METTL16: variants seen among roughly 807,000 people sequenced by gnomAD.
The protein encoded by METTL16 is RNA N(6)-adenosine-methyltransferase METTL16.
METTL16 carries 19 observed loss-of-function variants against 57.9 expected under a neutral mutation model. The observed-to-expected ratio is 0.33, with a 90% CI of 0.23 to 0.48. METTL16 has a LOEUF of 0.48. METTL16 is among the 20% of genes least tolerant of loss of function. The pLI, the probability that METTL16 is intolerant of heterozygous loss-of-function variation, is 0.99. For missense variants in METTL16, 434 were observed against 691.5 expected (o/e 0.63, Z 4.18); for synonymous variants, 246 against 255.6 (o/e 0.96, Z 0.36).
At chr17:2,432,249 T>C (rs527551188) in intron 8 of METTL16, among the ~76,000 whole-genome samples, 71 of 152,268 alleles carry the variant, frequency 4.7e-4, no homozygotes, top group African/African-American at 1.7e-3. Flanking sequence ...CACGCCCAGC[T>C]TAAATGTGAC....
intron 8 of METTL16, among the ~76,000 whole-genome samples, chr17:2,429,533 A>G (rs2066854498): frequency 6.6e-6 from 1 of 151,056 alleles, no homozygotes; most frequent in South Asian, 2.1e-4. Context: ...CTGTACTTCA[A>G]AGTTACTAAT....
intron 2 of METTL16, among the ~76,000 whole-genome samples, chr17:2,487,688 A>T (rs904904777): frequency 6.6e-6 from 1 of 152,182 alleles, no homozygotes; most frequent in Non-Finnish European, 1.5e-5. Context: ...GTAGAGTTAG[A>T]AACCACTGTG....
chr17:2,491,597 C>T lies in METTL16; in HGVS notation c.128+10607G>A, dbSNP rs772389833. 1.2e-4 allele frequency among the ~76,000 whole-genome samples: 19 copies of T among 152,148 alleles called. No homozygotes were observed. In the South Asian group the frequency reaches 1.7e-3, roughly 13 times the overall value. On this transcript the variant is annotated intron_variant, in intron 2 of 9. Coordinates refer to ENST00000263092, the MANE Select transcript of METTL16 (RefSeq NM_024086.4). The stretch of plus-strand genomic sequence containing the variant: ...TTGGTTTAAAAACAAATCAGTTGGC[C>T]GGGCACGGTGGCTCACACCTGTAAT...
intron 1 of METTL16, among the ~76,000 whole-genome samples, chr17:2,511,459 C>G (rs754559040): frequency 7.2e-5 from 11 of 152,090 alleles, no homozygotes; most frequent in Non-Finnish European, 1.5e-4. Context: ...CCGTTCTTTC[C>G]ATGCCCTCAT....
intron 8 of METTL16, among the ~76,000 whole-genome samples, chr17:2,425,555 G>C (rs949317120): frequency 6.6e-6 from 1 of 152,200 alleles, no homozygotes; most frequent in Non-Finnish European, 1.5e-5. Flanking sequence ...ATCAATAAGA[G>C]AGGAACTGCA....
chr17:2,462,275 T>C (rs1316289318), intron 6 of METTL16, among the ~76,000 whole-genome samples: 3 of 152,062 alleles, frequency 2.0e-5, no homozygotes, highest in Admixed American at 6.6e-5. Flanking sequence ...CCTAGAGTAG[T>C]CAAGTTCATA....
At chr17:2,479,087 A>G (rs934348779) in intron 2 of METTL16, among the ~76,000 whole-genome samples, 15 of 152,226 alleles carry the variant, frequency 9.9e-5, no homozygotes, top group Admixed American at 2.6e-4. Flanking sequence ...AAATACTGCT[A>G]AACTGAAAAT....
intron 6 of METTL16, among the ~76,000 whole-genome samples, chr17:2,442,671 G>C (rs2066962278): frequency 6.6e-6 from 1 of 152,210 alleles, no homozygotes; most frequent in South Asian, 2.1e-4. Context: ...AGACCCTATA[G>C]GTATTAAGAG....
At chr17:2,493,189 T>C (rs1016492670) in intron 2 of METTL16, among the ~76,000 whole-genome samples, 8 of 149,554 alleles carry the variant, frequency 5.3e-5, no homozygotes, top group African/African-American at 4.9e-5. Context: ...CCCGGGTTCA[T>C]GCCATTCTCC....
intron 8 of METTL16, among the ~76,000 whole-genome samples, chr17:2,424,875 G>A (rs945190268): frequency 6.6e-6 from 1 of 152,060 alleles, no homozygotes; most frequent in Non-Finnish European, 1.5e-5. Flanking sequence ...GTGAACCCGG[G>A]AGGCGGACCT....
chr17:2,450,742 C>A (rs2067062579), intron 6 of METTL16, among the ~76,000 whole-genome samples: 1 of 152,138 alleles, frequency 6.6e-6, no homozygotes, highest in Admixed American at 6.6e-5. Context: ...TTATAATCAA[C>A]CTGTGTCATT....
In METTL16 at chr17:2,498,063, G is replaced by A. The variant is rs527631203; in HGVS notation, c.128+4141C>T. 1.7e-4 allele frequency among the ~76,000 whole-genome samples: 26 copies of A among 151,416 alleles called. 1 individual carries two copies. Among genetic ancestry groups the A allele is most frequent in the African/African-American group, 4.2e-4 (17 of 40,904 alleles). ...CAAAAAATTAGCAGGGCGTGGTGGC[G>A]GGCACCTGTAGTCCCAGCTACTCAG... On this transcript the variant is annotated intron_variant, in intron 2 of 9. Transcript: ENST00000263092.
rs893820333 is a variant in METTL16, at chr17:2,417,765, T to A, written c.*2205A>T. ...CCAAGAGTGGTTATGTTACAGAAGG[T>A]TGGGACTCGGGGTGATTTTGTTGTT... On this transcript the variant is annotated 3_prime_UTR_variant, in exon 10 of 10. Coordinates refer to ENST00000263092, the MANE Select transcript of METTL16 (RefSeq NM_024086.4). 1 of 152,058 alleles carries A rather than the reference T, an allele frequency of 6.6e-6. No individual in the cohort carries two copies. The highest frequency in any genetic ancestry group is 6.6e-5 in the Admixed American group (1 of 15,258). The allele number at this position is 152,058 out of a possible 1,614,324, so 9.4% of individuals were successfully genotyped here.
rs1341124528 is a variant in METTL16 at position 2,417,447 on chromosome 17, A to T, written c.*2523T>A. On this transcript the variant is annotated 3_prime_UTR_variant, in exon 10 of 10. Coordinates refer to ENST00000263092, the MANE Select transcript of METTL16 (RefSeq NM_024086.4). The stretch of plus-strand genomic sequence containing the variant: ...ATGACATGAAGCCTTAAACCTAGGG[A>T]CAGAAACACACTGAGACACAGAAAC... 1 of 152,144 alleles carries T rather than the reference A, an allele frequency of 6.6e-6. No homozygotes were observed. The highest frequency in any genetic ancestry group is 1.5e-5 in the Non-Finnish European group (1 of 68,036). 9.4% of individuals were successfully genotyped at this position (152,144 alleles called of 1,614,324 possible).
At chr17:2,426,289 G>A (rs768196777) in intron 8 of METTL16, among the ~76,000 whole-genome samples, 10 of 152,178 alleles carry the variant, frequency 6.6e-5, no homozygotes, top group South Asian at 2.1e-4. Context: ...ACTCCTGTGC[G>A]CAGGTGATTC....
chr17:2,476,358 A>G (rs1035599577), intron 3 of METTL16, among the ~76,000 whole-genome samples: 2 of 152,232 alleles, frequency 1.3e-5, no homozygotes, highest in African/African-American at 4.8e-5. Context: ...GAATGCAATT[A>G]CCAGGGTAGG....
chr17:2,443,561 G>A (rs954642785), intron 6 of METTL16, among the ~76,000 whole-genome samples: 13 of 148,766 alleles, frequency 8.7e-5, no homozygotes, highest in East Asian at 2.0e-4. Flanking sequence ...ATCTAGGCTC[G>A]CTGCAAGCTC....
At chr17:2,427,946 T>G (rs1360884279) in intron 8 of METTL16, among the ~76,000 whole-genome samples, 1 of 90,236 alleles carries the variant, frequency 1.1e-5, no homozygotes, top group Non-Finnish European at 2.1e-5. Context: ...AAACTCCATC[T>G]TTACCCAAAA....
At chr17:2,441,699 A>G in intron 6 of METTL16, 140 bp from the exon 7 acceptor site, 1 of 471,002 alleles carries the variant, frequency 2.1e-6, no homozygotes, top group Non-Finnish European at 3.7e-6. Flanking sequence ...CAGGAATTAC[A>G]TACAATGTAT....
Sources: allele counts gnomAD v4.1 joint callset (sites outside exome capture counted in the v4.1 genomes callset), GRCh38; gene constraint gnomAD v4.1.1; transcripts MANE v1.5; gene names NCBI Gene and HGNC (gene_info 2026-07-23, HGNC 2026-07-21).